LRCH4: variants seen among roughly 807,000 people sequenced by gnomAD.
LRCH4 encodes the protein leucine rich repeats and calponin homology domain containing 4, also known as leucine-rich repeat and calponin homology domain-containing protein 4.
Under a neutral mutation model 81.2 loss-of-function variants are expected in LRCH4, and 56 were observed. The observed-to-expected ratio is 0.69, with a 90% CI of 0.56 to 0.86. The LOEUF (loss-of-function observed/expected upper bound fraction) is 0.86, where lower values mean the gene tolerates loss of function less well. LRCH4 is among the 40% of genes least tolerant of loss of function. The pLI is 0.00. For synonymous variants in LRCH4, 442 were observed against 409.7 expected (o/e 1.08, Z -0.95); for missense variants, 895 against 922.8 (o/e 0.97, Z 0.39).
chr7:100,579,644 G>GCACAGAATAAAACC (rs1279317108), intron 4 of LRCH4: 2 of 150,320 alleles, frequency 1.3e-5, no homozygotes, highest in Admixed American at 6.6e-5. Flanking sequence ...GCGGCCCTAA[G>GCACAGAATAAAACC]CACAGAATAA....
chr7:100,577,023 G>A lies in LRCH4; in HGVS notation c.1365-18C>T, dbSNP rs202043218. The A allele has an allele frequency of 4.5e-5, 72 of 1,613,826 alleles. No homozygotes were observed. The Middle Eastern group carries it at 8.3e-4, about 18-fold the overall frequency. On this transcript the variant is annotated intron_variant, in intron 12 of 17. Coordinates refer to ENST00000310300, the MANE Select transcript of LRCH4 (RefSeq NM_002319.5). This position sits in a 1 kb window ranked among gnomAD's most constrained non-coding sequence, Gnocchi z 6.7. ...GCGAGCCGCTGAGGAGAGACAGAAG[G>A]GAATTAGAGGGATGATGGTCATAGG...
rs1349150609 is a variant in LRCH4 at position 100,574,309 on chromosome 7, CG to C, written c.*797del. The C allele has an allele frequency of 1.1e-5, 2 of 174,074 alleles. No individual in the cohort carries two copies. The highest frequency in any genetic ancestry group is 8.5e-5 in the South Asian group (1 of 11,758). The allele number at this position is 174,074 out of a possible 1,614,324, so 10.8% of individuals were successfully genotyped here. A position where few individuals can be genotyped will look rare whatever the true frequency, so the allele number is the denominator to read the frequency against. On this transcript the variant is annotated 3_prime_UTR_variant, in exon 18 of 18. Coordinates refer to ENST00000310300, the MANE Select transcript of LRCH4 (RefSeq NM_002319.5). ...CAGCGATGTAGGGGAGGCCCCTTCC[CG>C]GGGCCCCCTCCTCTTCCAGGATGTG...
At position 100,584,059 on chromosome 7, in the gene LRCH4, T is replaced by G. The variant is rs1801641003; in HGVS notation, c.221-1600A>C. On this transcript the variant is annotated intron_variant, in intron 1 of 17. Coordinates refer to ENST00000310300, the MANE Select transcript of LRCH4 (RefSeq NM_002319.5). Reference sequence around the variant, plus strand: ...CCCAGGGAGCCTAGTCCAAGGGAGATCAGGGACCCAAGACTAGGCGACACG... The same window carrying G: ...CCCAGGGAGCCTAGTCCAAGGGAGAGCAGGGACCCAAGACTAGGCGACACG... 9.0e-6 allele frequency: 4 copies of G among 443,164 alleles called. No homozygotes were observed. The Admixed American group carries it at 9.5e-5, about 11-fold the overall frequency. 27.5% of individuals were successfully genotyped at this position (443,164 alleles called of 1,614,324 possible).
intron 1 of LRCH4, among the ~76,000 whole-genome samples, chr7:100,585,548 G>T (rs1315533793): frequency 6.6e-6 from 1 of 152,046 alleles, no homozygotes; most frequent in African/African-American, 2.4e-5. Flanking sequence ...TTCATAGACC[G>T]ATTGGAGCTG....
In LRCH4 at chr7:100,583,440, T is replaced by C. The variant is rs1801623125; in HGVS notation, c.221-981A>G. 6.6e-6 allele frequency among the ~76,000 whole-genome samples: 1 copy of C among 152,104 alleles called. No individual in the cohort carries two copies. The highest frequency in any genetic ancestry group is 1.5e-5 in the Non-Finnish European group (1 of 68,004). On this transcript the variant is annotated intron_variant, in intron 1 of 17. Transcript: ENST00000310300. This position sits in a 1 kb window ranked among gnomAD's most constrained non-coding sequence, Gnocchi z 4.3. ...CTTTCTGTTTCCTCGGCCCAGCCTG[T>C]CCTGGGAGGGGCCCAGGGCCCGCGA...
rs753362292 is a variant in LRCH4, at chr7:100,585,985, T to A, written c.116A>T (p.Glu39Val). Residue 39 changes from glutamate to valine, a missense_variant, in exon 1 of 18, where the codon GAG (glutamate) becomes GTG (valine). Glu to Val is a moderately radical substitution (Grantham distance 121, BLOSUM62 -2). Around this residue, in one of 3 missense-constraint regions of LRCH4, gnomAD observed 360 missense variants for 397.0 expected, o/e 0.91. Transcript: ENST00000310300. ...PGRRSAERAL[E>V]EAVATGTLNL... ...CAGGGTCCCGGTGGCCACGGCCTCC[T>A]CTAGGGCCCGCTCTGCACTGCGTCT... 1.9e-6 allele frequency: 3 copies of A among 1,612,186 alleles called. No individual in the cohort carries two copies. Among genetic ancestry groups the A allele is most frequent in the Admixed American group, 1.7e-5 (1 of 59,952 alleles).
Position 100,574,941 on chromosome 7 carries a change from C to A in LRCH4, c.*166G>T. 1 of 653,852 alleles carries A rather than the reference C, an allele frequency of 1.5e-6. No homozygotes were observed. Among genetic ancestry groups the A allele is most frequent in the East Asian group, 2.8e-5 (1 of 35,440 alleles). The allele number at this position is 653,852 out of a possible 1,614,324, so 40.5% of individuals were successfully genotyped here. A position where few individuals can be genotyped will look rare whatever the true frequency, so the allele number is the denominator to read the frequency against. On this transcript the variant is annotated 3_prime_UTR_variant, in exon 18 of 18. Coordinates refer to ENST00000310300, the MANE Select transcript of LRCH4 (RefSeq NM_002319.5). ...GGAGGGAGGCCAGAGGCTGGGGGCC[C>A]AGGGTCTGGGGGCACCAGAGTGGGG... is the stretch of plus-strand genomic sequence containing the variant.
chr7:100,575,303 G>T lies in LRCH4; in HGVS notation c.1856C>A (p.Ala619Asp), dbSNP rs1395213331. Residue 619 changes from alanine to aspartate, a missense_variant and splice_region_variant, in exon 18 of 18, where the codon GCT becomes GAT. Physicochemically the swap from Ala to Asp is moderately radical, Grantham distance 126. Transcript: ENST00000310300. This position sits in a 1 kb window ranked among gnomAD's most constrained non-coding sequence, Gnocchi z 5.3. ...EACRKMGVPE[A>D]DLCSPSDLLQ... ...GAGATCCGAGGGCGAGCACAGGTCA[G>T]CCTGGGGGAGAGGAGAGCAGGTGGA... 1 of 1,541,858 alleles carries T rather than the reference G, an allele frequency of 6.5e-7. No individual in the cohort carries two copies.
In LRCH4 at chr7:100,574,645, C is replaced by CACACACACACAG. The variant is rs1801281870; in HGVS notation, c.*461_*462insCTGTGTGTGTGT. 6.2e-6 allele frequency: 1 copy of CACACACACACAG among 160,392 alleles called. No individual in the cohort carries two copies. Among genetic ancestry groups the CACACACACACAG allele is most frequent in the Non-Finnish European group, 1.4e-5 (1 of 72,836 alleles). 9.9% of individuals were successfully genotyped at this position (160,392 alleles called of 1,614,324 possible). ...GCGCGCGCGCGCGCACACACACACA[C>CACACACACACAG]ACAGGCAGGGCGGCCACGGTCTGTA... On this transcript the variant is annotated 3_prime_UTR_variant, in exon 18 of 18. Transcript: ENST00000310300.
rs1456685413 is a variant in LRCH4, at chr7:100,577,692, C to G, written c.1088G>C (p.Gly363Ala). The G allele has an allele frequency of 7.4e-6, 12 of 1,614,078 alleles. No homozygotes were observed. Among genetic ancestry groups the G allele is most frequent in the Non-Finnish European group, 1.0e-5 (12 of 1,180,024 alleles). ...QIDFIDSHVP[G>A]EDEERGTVEE... is the part of the protein sequence containing the mutation. ...CACAGTGCCTCGCTCTTCATCCTCC[C>G]CGGGGACATGGCTGTCGATGAAGTC... Residue 363 changes from glycine to alanine, a missense_variant, in exon 9 of 18, where the codon GGG becomes GCG. This residue lies in a region of LRCH4 where 529 missense variants were observed against 504.9 expected (regional missense o/e 1.05). Transcript: ENST00000310300. The surrounding 1 kb of genome is among the most constrained non-coding windows in gnomAD (Gnocchi z 6.7).
rs371513886 is a variant in LRCH4, at chr7:100,576,807, G to A, written c.1469-30C>T. 5 of 1,560,630 alleles carry A rather than the reference G, an allele frequency of 3.2e-6. No homozygotes were observed. In the African/African-American group the frequency reaches 5.4e-5, roughly 17 times the overall value. Reference sequence around the variant, plus strand: ...GGCCGGAACCAGGGACACAGCGACAGGGGCAGGTGAGACAGGCATCCCCTC... The same window carrying A: ...GGCCGGAACCAGGGACACAGCGACAAGGGCAGGTGAGACAGGCATCCCCTC... On this transcript the variant is annotated intron_variant, in intron 13 of 17. Coordinates refer to ENST00000310300, the MANE Select transcript of LRCH4 (RefSeq NM_002319.5).
At chr7:100,579,210 C>T (rs960838428) in intron 4 of LRCH4, 3 of 196,448 alleles carry the variant, frequency 1.5e-5, no homozygotes, top group Admixed American at 5.4e-5. Context: ...TGTGGCCGCC[C>T]GGGAGTCCCC....
At position 100,575,758 on chromosome 7, in the gene LRCH4, G is replaced by A. The variant is rs767882536; in HGVS notation, c.1801C>T (p.Arg601Trp). Residue 601 changes from arginine to tryptophan, a missense_variant, in exon 17 of 18, where the codon CGG becomes TGG. Transcript: ENST00000310300. This position sits in a 1 kb window ranked among gnomAD's most constrained non-coding sequence, Gnocchi z 5.3. ...AVPKLSALKA[R>W]KNVESFLEAC... The stretch of plus-strand genomic sequence containing the variant: ...TCTAGAAAACTCTCCACATTCTTCC[G>A]AGCCTTGAGGGCACTGAGTTTTGGC... The A allele has an allele frequency of 9.9e-6, 16 of 1,611,432 alleles. No homozygotes were observed. Among genetic ancestry groups the A allele is most frequent in the East Asian group, 2.2e-5 (1 of 44,816 alleles).
intron 15 of LRCH4, 111 bp from the exon 16 acceptor site, chr7:100,576,119 C>T (rs1410000707): frequency 1.3e-6 from 2 of 1,483,432 alleles, no homozygotes; most frequent in African/African-American, 2.8e-5. Flanking sequence ...CCCTTCCTGT[C>T]CTCAGGGGAG....
Position 100,574,869 on chromosome 7 carries a change from C to A in LRCH4, c.*238G>T. ...AGGGCAGGGGCAGGGCCGGCGGGGACATGAAGGCACCGTCAGCACTGAGAG... is the reference window on the plus strand; with the variant it reads ...AGGGCAGGGGCAGGGCCGGCGGGGAAATGAAGGCACCGTCAGCACTGAGAG... On this transcript the variant is annotated 3_prime_UTR_variant, in exon 18 of 18. Coordinates refer to ENST00000310300, the MANE Select transcript of LRCH4 (RefSeq NM_002319.5). The A allele has an allele frequency of 2.2e-6, 1 of 457,784 alleles. No individual in the cohort carries two copies. 28.4% of individuals were successfully genotyped at this position (457,784 alleles called of 1,614,324 possible).
chr7:100,576,650 G>A, intron 14 of LRCH4, 44 bp downstream of exon 14: 2 of 1,510,088 alleles, frequency 1.3e-6, no homozygotes, highest in South Asian at 2.4e-5. Flanking sequence ...AGCCGTTGGT[G>A]CTGGCAAGCA....
rs999224456 is a variant in LRCH4, at chr7:100,583,839, C to T, written c.221-1380G>A. The T allele has an allele frequency of 1.1e-5, 3 of 279,830 alleles. No individual in the cohort carries two copies. Among genetic ancestry groups the T allele is most frequent in the South Asian group, 9.6e-5 (3 of 31,212 alleles). The allele number at this position is 279,830 out of a possible 1,614,324, so 17.3% of individuals were successfully genotyped here. On this transcript the variant is annotated intron_variant, in intron 1 of 17. Coordinates refer to ENST00000310300, the MANE Select transcript of LRCH4 (RefSeq NM_002319.5). This position sits in a 1 kb window ranked among gnomAD's most constrained non-coding sequence, Gnocchi z 4.3. Reference sequence around the variant, plus strand: ...ATGTGTTTGTGTGTGTGCATGTGGACGAAGGGGGTGGAGACCGAGTTCTCA... The same window carrying T: ...ATGTGTTTGTGTGTGTGCATGTGGATGAAGGGGGTGGAGACCGAGTTCTCA...
intron 13 of LRCH4, 32 bp downstream of exon 13, chr7:100,576,870 G>T: frequency 6.5e-7 from 1 of 1,536,846 alleles, no homozygotes; most frequent in African/African-American, 1.4e-5. Flanking sequence ...ACCAACACAG[G>T]CCCCATCCTC....
rs1801342069 is a variant in LRCH4 at position 100,575,900 on chromosome 7, G to A, written c.1747C>T (p.Pro583Ser). 6.2e-7 allele frequency: 1 copy of A among 1,613,338 alleles called. No homozygotes were observed. Among genetic ancestry groups the A allele is most frequent in the Admixed American group, 1.7e-5 (1 of 59,898 alleles). ...GCAGGGGAGGGCACATGGATGAAGG[G>A]CACGGAGCGCGGCCGTAGCTGGTTG... ...LANQLRPRSV[P>S]FIHVPSPAVP... The change falls in exon 16 of 18, where the codon CCC (proline) becomes TCC (serine). Residue 583 changes from proline (P) to serine (S), a missense_variant. Pro to Ser is a moderately conservative substitution (Grantham distance 74). Coordinates refer to ENST00000310300, the MANE Select transcript of LRCH4 (RefSeq NM_002319.5). This position sits in a 1 kb window ranked among gnomAD's most constrained non-coding sequence, Gnocchi z 5.3.
Sources: gnomAD v4.1 joint callset for allele counts (sites outside exome capture counted in the v4.1 genomes callset) on GRCh38, gnomAD v4.1.1 for gene constraint, gnomAD v4.1.1 regional missense constraint, Gnocchi (gnomAD v3.1) non-coding constraint, MANE v1.5 for transcripts, NCBI Gene and HGNC (gene_info 2026-07-23, HGNC 2026-07-21) for gene names.